DMD: variants seen among roughly 807,000 people sequenced by gnomAD.
DMD encodes the protein dystrophin.
In DMD, 63 loss-of-function variants were observed where a neutral mutation model predicts 330.1. That is an observed-to-expected ratio of 0.19 (90% CI 0.16 to 0.24). DMD has a LOEUF of 0.24. Among genes scored for constraint, DMD ranks in the 10% least tolerant of loss-of-function variants. The pLI is 1.00. For missense variants in DMD, 3,344 were observed against 2,684.1 expected, an observed-to-expected ratio of 1.25 and a Z score of -5.43; for synonymous variants, 1,223 against 959.8, an observed-to-expected ratio of 1.27 and a Z score of -5.07.
intron 54 of DMD, among the ~76,000 whole-genome samples, chrX:31,656,687 A>G (rs2080805997): frequency 8.9e-6 from 1 of 111,809 alleles, no homozygotes. Context: ...CACATATAAG[A>G]TCTGTATTTT....
chrX:31,323,034 C>T (rs1169335607), intron 62 of DMD, among the ~76,000 whole-genome samples: 4 of 111,687 alleles, frequency 3.6e-5, no homozygotes, highest in African/African-American at 9.8e-5. Flanking sequence ...TCCAAGCACT[C>T]GTATTCTTTT....
At chrX:31,768,197 C>T (rs1480326744) in intron 51 of DMD, among the ~76,000 whole-genome samples, 2 of 111,379 alleles carry the variant, frequency 1.8e-5, no homozygotes, top group African/African-American at 3.3e-5. Context: ...TAACTCAGCA[C>T]AGGCAATCAG....
chrX:32,280,165 GTATATAT>G (rs2097413763), intron 43 of DMD, among the ~76,000 whole-genome samples: 2 of 22,189 alleles, frequency 9.0e-5, no homozygotes, highest in African/African-American at 2.1e-4. Context: ...TATATATACA[GTATATAT>G]ATATATATAT....
At chrX:31,512,689 T>G (rs980065792) in intron 55 of DMD, among the ~76,000 whole-genome samples, 2 of 111,677 alleles carry the variant, frequency 1.8e-5, no homozygotes, top group African/African-American at 6.5e-5. Context: ...GTTCCACTGA[T>G]CTATATCTCT....
chrX:32,946,815 T>C lies in DMD; in HGVS notation c.93+73324A>G, dbSNP rs369698567. 5.6e-4 allele frequency among the ~76,000 whole-genome samples: 62 copies of C among 111,440 alleles called. 2 individuals carry two copies. The South Asian group carries it at 0.022, about 40-fold the overall frequency. On this transcript the variant is annotated intron_variant, in intron 2 of 78. Transcript: ENST00000357033. ...GGCTTGCAACCTTTCCTGTGCATTA[T>C]AGTCACCTGGGGAGCTTTTAAACAG... is the stretch of plus-strand genomic sequence containing the variant.
intron 43 of DMD, among the ~76,000 whole-genome samples, chrX:32,285,931 C>T (rs189629745): frequency 3.5e-3 from 385 of 111,042 alleles, no homozygotes; most frequent in African/African-American, 0.012. Context: ...GACTCCTGAC[C>T]TCAAATGATG....
intron 4 of DMD, among the ~76,000 whole-genome samples, chrX:32,839,387 CTTT>C (rs967640957): frequency 2.7e-5 from 3 of 111,927 alleles, no homozygotes; most frequent in African/African-American, 9.8e-5. Flanking sequence ...CTATGTATCT[CTTT>C]TTTATTCACT....
intron 59 of DMD, among the ~76,000 whole-genome samples, chrX:31,447,970 GCACT>G (rs1404808358): frequency 1.1e-5 from 1 of 92,724 alleles, no homozygotes; most frequent in African/African-American, 4.3e-5. Context: ...TGGCACCACT[GCACT>G]CACTCCAGCC....
intron 2 of DMD, among the ~76,000 whole-genome samples, chrX:32,942,943 A>C (rs1232893060): frequency 1.8e-5 from 2 of 111,879 alleles, no homozygotes; most frequent in Non-Finnish European, 3.8e-5. Context: ...GTTTTGAAGA[A>C]AAAAATTAAC....
chrX:32,196,847 G>A (rs776310483), intron 44 of DMD, among the ~76,000 whole-genome samples: 29 of 108,991 alleles, frequency 2.7e-4, no homozygotes, highest in African/African-American at 7.0e-4. Context: ...TTAGCGGGGC[G>A]TGGTAGCCAG....
rs775224120 is a variant in DMD at position 31,591,700 on chromosome X, C to CG, written c.8217+35972dup. 6.5e-3 allele frequency among the ~76,000 whole-genome samples: 719 copies of CG among 111,034 alleles called. 3 individuals are homozygous for CG. Among genetic ancestry groups the CG allele is most frequent in the Middle Eastern group, 0.041 (9 of 217 alleles). On this transcript the variant is annotated intron_variant, in intron 55 of 78. Coordinates refer to ENST00000357033, the MANE Select transcript of DMD (RefSeq NM_004006.3). The stretch of plus-strand genomic sequence containing the variant: ...TAGCATTTCCCCAGCCCCCAATCCT[C>CG]GGGGGAGATTCTCTCTCATTATATT...
intron 60 of DMD, among the ~76,000 whole-genome samples, chrX:31,422,854 T>A (rs2063516555): frequency 9.0e-6 from 1 of 110,916 alleles, no homozygotes; most frequent in Non-Finnish European, 1.9e-5. Flanking sequence ...AAGACTTTTT[T>A]TTTTTTTAAG....
intron 1 of DMD, among the ~76,000 whole-genome samples, chrX:33,239,082 C>T (rs2052538671): frequency 9.2e-6 from 1 of 108,212 alleles, no homozygotes; most frequent in South Asian, 4.2e-4. Context: ...CATGGTGAAA[C>T]ACCGTCTCTA....
chrX:33,210,871 A>G (rs1262032371), intron 1 of DMD, among the ~76,000 whole-genome samples: 1 of 111,594 alleles, frequency 9.0e-6, no homozygotes, highest in Non-Finnish European at 1.9e-5. Context: ...AGTTCAATTG[A>G]GAATATATGT....
At chrX:32,066,275 A>G (rs35994620) in intron 44 of DMD, among the ~76,000 whole-genome samples, 9 of 111,820 alleles carry the variant, frequency 8.0e-5, no homozygotes, top group African/African-American at 2.9e-4. Flanking sequence ...TAAATGTATA[A>G]CAATAAATAA....
chrX:32,455,531 T>C (rs184044194), intron 25 of DMD, among the ~76,000 whole-genome samples: 66 of 111,397 alleles, frequency 5.9e-4, no homozygotes, highest in African/African-American at 1.9e-3. Context: ...TACAACCTTT[T>C]AGATAGTAAG....
At chrX:32,397,129 G>T (rs918082621) in intron 30 of DMD, among the ~76,000 whole-genome samples, 2 of 111,366 alleles carry the variant, frequency 1.8e-5, no homozygotes, top group African/African-American at 3.3e-5. Context: ...GGGGATAGAA[G>T]ATTCAATCTG....
At chrX:32,881,386 A>G (rs1346764778) in intron 2 of DMD, among the ~76,000 whole-genome samples, 1 of 112,623 alleles carries the variant, frequency 8.9e-6, no homozygotes, top group Admixed American at 9.4e-5. Context: ...TACTTACGCA[A>G]TGTTAGGACA....
At chrX:32,638,967 C>A (rs976673347) in intron 11 of DMD, among the ~76,000 whole-genome samples, 2 of 111,517 alleles carry the variant, frequency 1.8e-5, no homozygotes, top group Admixed American at 1.9e-4. Context: ...TGGTGATTCA[C>A]AATTATTTTC....
Sources: gnomAD v4.1 joint callset for allele counts (sites outside exome capture counted in the v4.1 genomes callset) on GRCh38, gnomAD v4.1.1 for gene constraint, MANE v1.5 for transcripts, NCBI Gene and HGNC (gene_info 2026-07-23, HGNC 2026-07-21) for gene names.